JAG2: variants seen among roughly 807,000 people sequenced by gnomAD.
The protein encoded by JAG2 is protein jagged-2.
Under a neutral mutation model 141.7 loss-of-function variants are expected in JAG2, and 46 were observed. That is an observed-to-expected ratio of 0.32 (90% CI 0.26 to 0.42). The LOEUF is 0.42. JAG2 is among the 10% of genes least tolerant of loss of function. The pLI, the probability that JAG2 is intolerant of heterozygous loss-of-function variation, is 1.00. For missense variants in JAG2, 1,500 were observed against 1,817.5 expected, an observed-to-expected ratio of 0.83 and a Z score of 3.18; for synonymous variants, 862 against 763.5, an observed-to-expected ratio of 1.13 and a Z score of -2.13.
At chr14:105,153,345 C>T (rs1301061668) in intron 5 of JAG2, among the ~76,000 whole-genome samples, 1 of 152,254 alleles carries the variant, frequency 6.6e-6, no homozygotes, top group Non-Finnish European at 1.5e-5. Flanking sequence ...CAGTGGTCCG[C>T]GTGGGTGGCC....
intron 5 of JAG2, among the ~76,000 whole-genome samples, chr14:105,153,766 G>A (rs1270759900): frequency 1.3e-5 from 2 of 152,214 alleles, no homozygotes; most frequent in Non-Finnish European, 2.9e-5. Context: ...GCGGGTAAAG[G>A]GCAGGGATGG....
intron 2 of JAG2, among the ~76,000 whole-genome samples, chr14:105,161,874 C>T (rs1262820419): frequency 6.6e-6 from 1 of 152,254 alleles, no homozygotes; most frequent in Non-Finnish European, 1.5e-5. Context: ...GACTCAGTTG[C>T]CTCCTCTGCG....
intron 20 of JAG2, 175 bp from the exon 21 acceptor site, chr14:105,146,899 C>G (rs1400063708): frequency 2.0e-5 from 14 of 683,202 alleles, no homozygotes; most frequent in Admixed American, 1.4e-4. Context: ...CTGAGCCCAG[C>G]CTGACCCTGG....
chr14:105,149,028 C>A lies in JAG2; in HGVS notation c.1815G>T (p.Val605=), dbSNP rs1281724202. 2.5e-6 allele frequency: 4 copies of A among 1,607,076 alleles called. No homozygotes were observed. Among genetic ancestry groups the A allele is most frequent in the Non-Finnish European group, 3.4e-6 (4 of 1,177,648 alleles). ...PGMPGTAASG[V]CGPHGRCVSQ... is the part of the protein sequence containing the mutation. Reference sequence around the variant, plus strand: ...TGACGCAGCGTCCATGGGGGCCACACACGCCGGAGGCTGCTGTGCCAGGCA... The same window carrying A: ...TGACGCAGCGTCCATGGGGGCCACAAACGCCGGAGGCTGCTGTGCCAGGCA... The change falls in exon 14 of 26, where the codon GTG becomes GTT. Residue 605 remains valine, a synonymous_variant. Coordinates refer to ENST00000331782, the MANE Select transcript of JAG2 (RefSeq NM_002226.5).
chr14:105,154,357 G>A lies in JAG2; in HGVS notation c.788+1205C>T, dbSNP rs587620265. On this transcript the variant is annotated intron_variant, in intron 5 of 25. Coordinates refer to ENST00000331782, the MANE Select transcript of JAG2 (RefSeq NM_002226.5). The surrounding 1 kb of genome is among the most constrained non-coding windows in gnomAD (Gnocchi z 4.4). The stretch of plus-strand genomic sequence containing the variant: ...ACCTGCTGTCTCTCCACCCGCTCGC[G>A]CCCCTCTCTCGGGCTCCCCAGCTTG... 6.4e-4 allele frequency among the ~76,000 whole-genome samples: 98 copies of A among 152,174 alleles called. No homozygotes were observed. The highest frequency in any genetic ancestry group is 2.3e-3 in the African/African-American group (94 of 41,478).
intron 24 of JAG2, 80 bp from the exon 25 acceptor site, chr14:105,143,718 GC>G: frequency 6.4e-7 from 1 of 1,554,010 alleles, no homozygotes; most frequent in Non-Finnish European, 8.7e-7. Context: ...TGAGGCCCTG[GC>G]CACACTGGAG....
chr14:105,142,230 C>G lies in JAG2; in HGVS notation c.*465G>C, dbSNP rs587742027. Reference sequence around the variant, plus strand: ...TCCCATTGACAGCCACGAGTCCCACCGACAGCCACAGGCCACACCATCAGC... The same window carrying G: ...TCCCATTGACAGCCACGAGTCCCACGGACAGCCACAGGCCACACCATCAGC... On this transcript the variant is annotated 3_prime_UTR_variant, in exon 26 of 26. Transcript: ENST00000331782. 3.1e-4 allele frequency: 52 copies of G among 165,638 alleles called. No individual in the cohort carries two copies. Among genetic ancestry groups the G allele is most frequent in the African/African-American group, 1.2e-3 (51 of 41,672 alleles). The allele number at this position is 165,638 out of a possible 1,614,324, so 10.3% of individuals were successfully genotyped here.
intron 20 of JAG2, 131 bp from the exon 21 acceptor site, chr14:105,146,855 C>T (rs1888240670): frequency 2.5e-6 from 2 of 785,076 alleles, no homozygotes; most frequent in Non-Finnish European, 4.3e-6. Flanking sequence ...AGCCCCTGCC[C>T]CCGAGCCCAA....
At chr14:105,168,219 G>A in intron 1 of JAG2, 112 bp from the exon 2 acceptor site, 1 of 642,988 alleles carries the variant, frequency 1.6e-6, no homozygotes, top group Non-Finnish European at 1.9e-6. Flanking sequence ...AGCCGCGCCC[G>A]CCCGGAGCCC....
intron 7 of JAG2, 79 bp downstream of exon 7, chr14:105,151,859 A>G (rs1888443206): frequency 1.2e-6 from 2 of 1,609,348 alleles, no homozygotes; most frequent in South Asian, 2.2e-5. Context: ...ACAGGACGCC[A>G]GAGGGATGGG....
chr14:105,148,297 C>G (rs747424296), intron 16 of JAG2, 29 bp downstream of exon 16: 2 of 1,597,908 alleles, frequency 1.3e-6, no homozygotes, highest in South Asian at 1.1e-5. Flanking sequence ...GGGGGCAGCC[C>G]CAGGCGGCCA....
In JAG2 at chr14:105,147,887, G is replaced by C. The variant is rs144184481; in HGVS notation, c.2250C>G (p.Ala750=). 11 of 1,550,748 alleles carry C rather than the reference G, an allele frequency of 7.1e-6. No individual in the cohort carries two copies. Among genetic ancestry groups the C allele is most frequent in the African/African-American group, 1.4e-5 (1 of 73,196 alleles). ...GGTTGGGCAGGCAGCTGCTGTTCTT[G>C]GCTGTAAGGAGAGGAGGAGGAGGGA... ...PGWKGSTCAV[A]KNSSCLPNPC... is the part of the protein sequence containing the mutation. Residue 750 remains alanine (A), a splice_region_variant and synonymous_variant, in exon 18 of 26, where the codon GCC becomes GCG. Transcript: ENST00000331782.
chr14:105,159,768 C>A lies in JAG2; in HGVS notation c.418-2005G>T, dbSNP rs1442826137. On this transcript the variant is annotated intron_variant, in intron 2 of 25. Transcript: ENST00000331782. ...CCCCCAGGGCTCCATCCACACCCCCCCAGAGTTCCATCCACACACCCCAAC... is the reference window on the plus strand; with the variant it reads ...CCCCCAGGGCTCCATCCACACCCCCACAGAGTTCCATCCACACACCCCAAC... 2.0e-3 allele frequency among the ~76,000 whole-genome samples: 158 copies of A among 77,278 alleles called. 2 individuals carry two copies. The highest frequency in any genetic ancestry group is 3.2e-3 in the Non-Finnish European group (124 of 38,740). The allele number at this position is 77,278 out of a possible 152,430, so 50.7% of individuals were successfully genotyped here.
chr14:105,151,596 G>C (rs200292411), intron 8 of JAG2, 30 bp downstream of exon 8: 5 of 1,539,592 alleles, frequency 3.2e-6, no homozygotes, highest in African/African-American at 1.4e-5. Flanking sequence ...ATACTAGGCA[G>C]GAGTCCCCTA....
In JAG2 at chr14:105,142,756, G is replaced by A. The variant is rs1888095768; in HGVS notation, c.3656C>T (p.Pro1219Leu). 1.2e-6 allele frequency: 2 copies of A among 1,610,222 alleles called. No homozygotes were observed. The highest frequency in any genetic ancestry group is 3.3e-5 in the Admixed American group (2 of 59,854). ...CCTGACCGCGCGGTTGTCCACTTTG[G>A]GGCCTGAGGCCCAGTGGGCCGGCCT... ...PGRPAHWASG[P>L]KVDNRAVRSI... Residue 1219 changes from proline (P) to leucine (L), a missense_variant, in exon 26 of 26, where the codon CCC (proline) becomes CTC (leucine). By Grantham distance (98) the Pro-to-Leu change is moderately conservative. This residue lies in a region of JAG2 where 425 missense variants were observed against 441.0 expected (regional missense o/e 0.96). Transcript: ENST00000331782.
At position 105,146,496 on chromosome 14, in the gene JAG2, G is replaced by T. The variant is rs369469630; in HGVS notation, c.2598C>A (p.Ile866=). ...GGGACCAGCAGGATCTCCCGAACCC[G>T]ATCACTGTGGGGAGAAGGGGCTCGA... ...GRAGPRCQEV[I]GFGRSCWSRG... Residue 866 remains isoleucine (I), a synonymous_variant, in exon 22 of 26, where the codon ATC becomes ATA. Coordinates refer to ENST00000331782, the MANE Select transcript of JAG2 (RefSeq NM_002226.5). 6.2e-7 allele frequency: 1 copy of T among 1,612,606 alleles called. No individual in the cohort carries two copies. Among genetic ancestry groups the T allele is most frequent in the Non-Finnish European group, 8.5e-7 (1 of 1,179,778 alleles).
intron 2 of JAG2, among the ~76,000 whole-genome samples, chr14:105,164,621 C>T (rs1888856363): frequency 6.6e-6 from 1 of 152,224 alleles, no homozygotes; most frequent in Non-Finnish European, 1.5e-5. Context: ...CAGGCACAGA[C>T]CTCAGCCTGG....
intron 12 of JAG2, among the ~76,000 whole-genome samples, chr14:105,150,310 G>A (rs373497554): frequency 1.3e-5 from 2 of 152,026 alleles, no homozygotes; most frequent in South Asian, 4.1e-4. Flanking sequence ...CTCCAGTCCC[G>A]AGGGAGTGCA....
At chr14:105,146,056 G>C (rs753371184) in intron 22 of JAG2, 83 bp from the exon 23 acceptor site, 1 of 1,540,082 alleles carries the variant, frequency 6.5e-7, no homozygotes, top group Non-Finnish European at 8.7e-7. Context: ...CCACAGGCAG[G>C]CACGGGCCCC....
Sources: gnomAD v4.1 joint callset for allele counts (sites outside exome capture counted in the v4.1 genomes callset) on GRCh38, gnomAD v4.1.1 for gene constraint, gnomAD v4.1.1 regional missense constraint, Gnocchi (gnomAD v3.1) non-coding constraint, MANE v1.5 for transcripts, NCBI Gene and HGNC (gene_info 2026-07-23, HGNC 2026-07-21) for gene names.